SNX27: variants seen among roughly 807,000 people sequenced by gnomAD.
SNX27 encodes the protein sorting nexin-27.
Under a neutral mutation model 71.6 loss-of-function variants are expected in SNX27, and 22 were observed. The ratio of observed to expected loss-of-function variants is 0.31; its 90% CI spans 0.22 to 0.44. The LOEUF (loss-of-function observed/expected upper bound fraction) is 0.44, where lower values mean the gene tolerates loss of function less well. SNX27 is among the 20% of genes least tolerant of loss of function. The pLI is 1.00. For synonymous variants in SNX27, 269 were observed against 277.2 expected (o/e 0.97, Z 0.29); for missense variants, 531 against 698.6 (o/e 0.76, Z 2.70).
In SNX27 at chr1:151,697,834, G is replaced by A. The variant is rs1285243501; in HGVS notation, c.*3417G>A. 6.6e-6 allele frequency: 1 copy of A among 152,586 alleles called. No individual in the cohort carries two copies. The highest frequency in any genetic ancestry group is 2.4e-5 in the African/African-American group (1 of 41,410). 9.5% of individuals were successfully genotyped at this position (152,586 alleles called of 1,614,324 possible). A position where few individuals can be genotyped will look rare whatever the true frequency, so the allele number is the denominator to read the frequency against. On this transcript the variant is annotated 3_prime_UTR_variant, in exon 12 of 12. Coordinates refer to ENST00000458013, the MANE Select transcript of SNX27 (RefSeq NM_001330723.2). ...TCCCAGTGCCCCCAGCTTCATCCCAGCAGAACCAGCAGGATCCTCCTGGTC... is the reference window on the plus strand; with the variant it reads ...TCCCAGTGCCCCCAGCTTCATCCCAACAGAACCAGCAGGATCCTCCTGGTC...
At position 151,641,684 on chromosome 1, in the gene SNX27, G is replaced by GAT. The variant is rs1169537943; in HGVS notation, c.543+2574_543+2575dup. Reference sequence around the variant, plus strand: ...TCAGATATATATATCATATATATCTGATATATATATCATATATATGATATA... The same window carrying GAT: ...TCAGATATATATATCATATATATCTGATATATATATATCATATATATGATATA... On this transcript the variant is annotated intron_variant, in intron 2 of 11. Coordinates refer to ENST00000458013, the MANE Select transcript of SNX27 (RefSeq NM_001330723.2). Among the ~76,000 whole-genome samples, 97 of 121,646 alleles carry GAT rather than the reference G, an allele frequency of 8.0e-4. 3 individuals are homozygous for GAT. The South Asian group carries it at 8.8e-3, about 11-fold the overall frequency. The allele number at this position is 121,646 out of a possible 152,430, so 79.8% of individuals were successfully genotyped here.
chr1:151,682,374 TG>T (rs1299207237), intron 7 of SNX27, among the ~76,000 whole-genome samples: 1 of 152,232 alleles, frequency 6.6e-6, no homozygotes, highest in East Asian at 1.9e-4. Context: ...TGGGCTGGAG[TG>T]CAGTGGCATG....
chr1:151,661,122 C>T (rs1273796484), intron 4 of SNX27: 8 of 389,010 alleles, frequency 2.1e-5, no homozygotes, highest in Non-Finnish European at 3.8e-5. Flanking sequence ...AAAACTTTTG[C>T]AATTAGTTCC....
rs181320666 is a variant in SNX27 at position 151,659,394 on chromosome 1, C to T, written c.736+967C>T. ...TCCCGAGTAGCTGGGACTACAGAAA[C>T]GCACCACATGCCCGGCTGATTTTTG... On this transcript the variant is annotated intron_variant, in intron 3 of 11. Transcript: ENST00000458013. 7.9e-4 allele frequency among the ~76,000 whole-genome samples: 120 copies of T among 152,218 alleles called. 2 individuals are homozygous for T. In the East Asian group the frequency reaches 0.015, roughly 19 times the overall value.
chr1:151,662,259 C>G lies in SNX27; in HGVS notation c.895C>G (p.Gln299Glu), dbSNP rs1669996120. ...GGTTAAAAAGAACAGTACTACAGAC[C>G]AAGTATATCAGGTAAATTAAATGAA... ...VRVKKNSTTDQVYQAIAAKVG... is the reference protein window; with the variant it reads ...VRVKKNSTTDEVYQAIAAKVG... The change falls in exon 5 of 12, where the codon CAA becomes GAA. Residue 299 changes from glutamine (Q) to glutamate (E), a missense_variant. Around this residue, in one of 5 missense-constraint regions of SNX27, gnomAD observed 184 missense variants for 289.6 expected, o/e 0.64. Transcript: ENST00000458013. The G allele has an allele frequency of 1.2e-6, 2 of 1,604,362 alleles. No homozygotes were observed. Among genetic ancestry groups the G allele is most frequent in the African/African-American group, 1.3e-5 (1 of 74,632 alleles).
At chr1:151,691,963 G>A (rs1671473337) in intron 8 of SNX27, among the ~76,000 whole-genome samples, 1 of 152,158 alleles carries the variant, frequency 6.6e-6, no homozygotes, top group Admixed American at 6.5e-5. Context: ...ACTTTCGGTG[G>A]CTGAGGTGGG....
rs1488468935 is a variant in SNX27, at chr1:151,697,830, C to T, written c.*3413C>T. On this transcript the variant is annotated 3_prime_UTR_variant, in exon 12 of 12. Transcript: ENST00000458013. ...GGTCTCCCAGTGCCCCCAGCTTCAT[C>T]CCAGCAGAACCAGCAGGATCCTCCT... 2 of 152,652 alleles carry T rather than the reference C, an allele frequency of 1.3e-5. No homozygotes were observed. Among genetic ancestry groups the T allele is most frequent in the African/African-American group, 2.4e-5 (1 of 41,442 alleles). The allele number at this position is 152,652 out of a possible 1,614,324, so 9.5% of individuals were successfully genotyped here.
chr1:151,669,852 T>C (rs1444003856), intron 7 of SNX27, among the ~76,000 whole-genome samples: 5 of 152,146 alleles, frequency 3.3e-5, no homozygotes, highest in African/African-American at 1.2e-4. Context: ...GAAAATGAGG[T>C]ATCCATCCCC....
At chr1:151,675,418 A>G (rs563318185) in intron 7 of SNX27, among the ~76,000 whole-genome samples, 1 of 152,098 alleles carries the variant, frequency 6.6e-6, no homozygotes, top group South Asian at 2.1e-4. Context: ...ACATAGTTAT[A>G]ATTCTAATAC....
intron 7 of SNX27, chr1:151,677,813 TG>T: frequency 6.6e-6 from 1 of 152,338 alleles, no homozygotes; most frequent in Non-Finnish European, 1.5e-5. Context: ...GAAAAGTTAA[TG>T]TTTTTGGAGC....
At chr1:151,649,012 G>T (rs1669200838) in intron 2 of SNX27, among the ~76,000 whole-genome samples, 1 of 151,512 alleles carries the variant, frequency 6.6e-6, no homozygotes, top group African/African-American at 2.4e-5. Context: ...GCCCAGGCTG[G>T]AGTTCAGTGG....
At chr1:151,628,323 G>A (rs1013567655) in intron 1 of SNX27, among the ~76,000 whole-genome samples, 1 of 152,062 alleles carries the variant, frequency 6.6e-6, no homozygotes, top group African/African-American at 2.4e-5. Flanking sequence ...TGGCTTAATA[G>A]CTCATTTCTT....
In SNX27 at chr1:151,658,130, T is replaced by C; in HGVS notation, c.544-105T>C. 7.9e-6 allele frequency: 8 copies of C among 1,008,258 alleles called. No homozygotes were observed. The South Asian group carries it at 1.4e-4, about 18-fold the overall frequency. 62.5% of individuals were successfully genotyped at this position (1,008,258 alleles called of 1,614,324 possible). ...GAGCTTGAATATAGTCTTTGTTAAA[T>C]GCATAGCAGAATGCATCTAACCAAT... is the stretch of plus-strand genomic sequence containing the variant. On this transcript the variant is annotated intron_variant, in intron 2 of 11. Transcript: ENST00000458013.
At chr1:151,625,663 C>T (rs778266947) in intron 1 of SNX27, among the ~76,000 whole-genome samples, 22 of 151,590 alleles carry the variant, frequency 1.5e-4, no homozygotes, top group Non-Finnish European at 3.2e-4. Context: ...GGTGAAACCC[C>T]GTCTCTACTA....
chr1:151,671,236 C>CTT lies in SNX27; in HGVS notation c.1149+2616_1149+2617dup, dbSNP rs34972986. 4.5e-3 allele frequency among the ~76,000 whole-genome samples: 627 copies of CTT among 138,834 alleles called. 4 individuals carry two copies. The highest frequency in any genetic ancestry group is 0.016 in the African/African-American group (594 of 37,798). The allele number at this position is 138,834 out of a possible 152,430, so 91.1% of individuals were successfully genotyped here. Reference sequence around the variant, plus strand: ...GTAATATGATTCCTCCAGTTTTGTTCTTTTTTTTTTTTTTTTCCAGAGACA... The same window carrying CTT: ...GTAATATGATTCCTCCAGTTTTGTTCTTTTTTTTTTTTTTTTTTCCAGAGACA... On this transcript the variant is annotated intron_variant, in intron 7 of 11. Transcript: ENST00000458013.
At position 151,665,939 on chromosome 1, in the gene SNX27, G is replaced by A. The variant is rs778236794; in HGVS notation, c.913G>A (p.Ala305Thr). The change falls in exon 6 of 12, where the codon GCA becomes ACA. Residue 305 changes from alanine to threonine, a missense_variant. By Grantham distance (58) the Ala-to-Thr change is moderately conservative (BLOSUM62 0). Around this residue, in one of 5 missense-constraint regions of SNX27, gnomAD observed 184 missense variants for 289.6 expected, o/e 0.64. Transcript: ENST00000458013. ...CTATCCTGTTTAACCTTAGGCTATC[G>A]CAGCAAAGGTTGGCATGGACAGTAC... ...STTDQVYQAI[A>T]AKVGMDSTTV... The A allele has an allele frequency of 1.9e-5, 30 of 1,596,734 alleles. No homozygotes were observed. Among genetic ancestry groups the A allele is most frequent in the Non-Finnish European group, 2.2e-5 (26 of 1,169,426 alleles).
intron 2 of SNX27, among the ~76,000 whole-genome samples, chr1:151,641,621 ATATATATATC>A (rs1558046490): frequency 7.5e-6 from 1 of 132,658 alleles, no homozygotes; most frequent in African/African-American, 3.0e-5. Context: ...ATATATATAT[ATATATATATC>A]ATATGTATCA....
At chr1:151,651,027 C>T (rs1324364363) in intron 2 of SNX27, among the ~76,000 whole-genome samples, 19 of 152,200 alleles carry the variant, frequency 1.2e-4, no homozygotes, top group Admixed American at 3.9e-4. Flanking sequence ...GGCAACCATC[C>T]GATTTCTCAA....
intron 1 of SNX27, among the ~76,000 whole-genome samples, chr1:151,629,924 A>G (rs963467609): frequency 6.6e-6 from 1 of 151,490 alleles, no homozygotes. Flanking sequence ...CAGCCTGATC[A>G]ACGTGGTGAA....
Sources: allele counts gnomAD v4.1 joint callset (sites outside exome capture counted in the v4.1 genomes callset), GRCh38; gene constraint gnomAD v4.1.1; regional missense constraint gnomAD v4.1.1; transcripts MANE v1.5; gene names NCBI Gene and HGNC (gene_info 2026-07-23, HGNC 2026-07-21).